ABCA8: variants seen among roughly 807,000 people sequenced by gnomAD.
ABCA8 encodes the protein ABC-type organic anion transporter ABCA8.
ABCA8 carries 177 observed loss-of-function variants against 192.3 expected under a neutral mutation model. The ratio of observed to expected loss-of-function variants is 0.92; its 90% confidence interval spans 0.81 to 1.04. The LOEUF (loss-of-function observed/expected upper bound fraction) is 1.04. Among genes scored for constraint, ABCA8 ranks in the 50% least tolerant of loss-of-function variants. The probability of loss-of-function intolerance (pLI) is 0.00; values close to 1 mark genes in which losing one functional copy is unlikely to be tolerated. For missense variants in ABCA8, 1,915 were observed against 1,904.8 expected, an observed-to-expected ratio of 1.01 and a Z score of -0.10; for synonymous variants, 642 against 690.2, an observed-to-expected ratio of 0.93 and a Z score of 1.09.
chr17:68,944,404 A>G (rs2068338853), intron 2 of ABCA8: 1 of 144,410 alleles, frequency 6.9e-6, no homozygotes, highest in Non-Finnish European at 1.5e-5. Context: ...AAAGACCCCC[A>G]GTAGCTCACA....
chr17:68,913,669 C>T (rs925908859), intron 17 of ABCA8, among the ~76,000 whole-genome samples: 1 of 151,960 alleles, frequency 6.6e-6, no homozygotes, highest in Non-Finnish European at 1.5e-5. Flanking sequence ...GTACAATCTA[C>T]CAAGATTGAA....
At chr17:68,933,053 G>A in intron 6 of ABCA8, 115 bp downstream of exon 6, 1 of 751,944 alleles carries the variant, frequency 1.3e-6, no homozygotes, top group South Asian at 1.7e-5. Flanking sequence ...ACTTCAGAGT[G>A]AGCAAAGGAA....
At chr17:68,891,418 T>C in intron 24 of ABCA8, 71 bp downstream of exon 24, 1 of 1,066,356 alleles carries the variant, frequency 9.4e-7, no homozygotes, top group Non-Finnish European at 1.4e-6. Context: ...AATATTCTTA[T>C]GAAAAATTGT....
At chr17:68,922,403 G>A in intron 11 of ABCA8, 103 bp from the exon 12 acceptor site, 1 of 813,430 alleles carries the variant, frequency 1.2e-6, no homozygotes, top group Non-Finnish European at 1.9e-6. Flanking sequence ...GATACATGAA[G>A]ATCTGGGTCT....
chr17:68,877,676 G>C lies in ABCA8; in HGVS notation c.4042C>G (p.Leu1348Val), dbSNP rs753899805. 2 of 1,608,296 alleles carry C rather than the reference G, an allele frequency of 1.2e-6. No individual in the cohort carries two copies. Among genetic ancestry groups the C allele is most frequent in the South Asian group, 2.2e-5 (2 of 90,162 alleles). Residue 1348 changes from leucine (L) to valine (V), a missense_variant, in exon 33 of 40, where the codon CTA becomes GTA. By Grantham distance (32) the Leu-to-Val change is conservative (BLOSUM62 1). Transcript: ENST00000586539. Reference protein sequence around the residue: ...GDTKPTAGQVLLKGSGGGDAL... With the variant: ...GDTKPTAGQVVLKGSGGGDAL... ...TCCCCTCCACCGCTCCCTTTCAGTAGCACCTGCAGATGAAAGTTCCCTCTC... is the reference window on the plus strand; with the variant it reads ...TCCCCTCCACCGCTCCCTTTCAGTACCACCTGCAGATGAAAGTTCCCTCTC...
chr17:68,892,917 G>A (rs1352469713), intron 23 of ABCA8, among the ~76,000 whole-genome samples: 1 of 152,114 alleles, frequency 6.6e-6, no homozygotes, highest in Non-Finnish European at 1.5e-5. Flanking sequence ...GGCCAACATC[G>A]GAAGATCTCT....
At chr17:68,889,770 G>T (rs2066582418) in intron 24 of ABCA8, among the ~76,000 whole-genome samples, 1 of 152,068 alleles carries the variant, frequency 6.6e-6, no homozygotes, top group Non-Finnish European at 1.5e-5. Flanking sequence ...ACCTTTCTAA[G>T]AATTTTATAT....
chr17:68,946,185 A>T (rs1187913497), intron 2 of ABCA8, among the ~76,000 whole-genome samples: 1 of 151,930 alleles, frequency 6.6e-6, no homozygotes, highest in Non-Finnish European at 1.5e-5. Flanking sequence ...CTCCTGCCTC[A>T]GTCTCCCAAG....
rs184161214 is a variant in ABCA8, at chr17:68,903,472, G to A, written c.2426C>T (p.Ala809Val). ...SDIAILGEVQ[A>V]EKADDTERLV... ...CCTTTCAGTGTCGTCAGCTTTTTCC[G>A]CTTGTACTTCTCCCAAAATAGCAAT... Residue 809 changes from alanine (A) to valine (V), a missense_variant, in exon 20 of 40, where the codon GCG becomes GTG. Physicochemically the swap from Ala to Val is moderately conservative, Grantham distance 64. Transcript: ENST00000586539. 1.0e-3 allele frequency: 1,636 copies of A among 1,613,900 alleles called. 16 individuals are homozygous for A. In the South Asian group the frequency reaches 0.012, roughly 12 times the overall value.
intron 37 of ABCA8, 47 bp from the exon 38 acceptor site, chr17:68,869,826 T>A: frequency 8.2e-7 from 1 of 1,221,824 alleles, no homozygotes; most frequent in South Asian, 1.3e-5. Flanking sequence ...TTGTGCCAGA[T>A]GTGAACTGAT....
At chr17:68,930,495 T>C (rs59874412) in intron 7 of ABCA8, among the ~76,000 whole-genome samples, 6,196 of 152,268 alleles carry the variant, frequency 0.041, 398 homozygotes, top group African/African-American at 0.13. Context: ...AAAACTATAA[T>C]GAAATAATAA....
intron 21 of ABCA8, 132 bp downstream of exon 21, chr17:68,902,579 ATC>A (rs1271057973): frequency 1.2e-5 from 8 of 685,410 alleles, no homozygotes; most frequent in Non-Finnish European, 1.8e-5. Flanking sequence ...TGTATTTATT[ATC>A]TTTAAGTTTC....
At chr17:68,938,868 T>C (rs577508498) in intron 4 of ABCA8, among the ~76,000 whole-genome samples, 6 of 152,328 alleles carry the variant, frequency 3.9e-5, no homozygotes, top group Admixed American at 1.3e-4. Context: ...TGGCTTTCAA[T>C]CAGTTAGGTT....
intron 19 of ABCA8, 83 bp downstream of exon 19, chr17:68,905,961 C>T (rs2067054087): frequency 1.9e-5 from 25 of 1,304,872 alleles, no homozygotes; most frequent in South Asian, 1.9e-4. Context: ...ATCATGAACC[C>T]CACATTTTGT....
chr17:68,904,771 CAAG>C (rs1195210680), intron 19 of ABCA8, among the ~76,000 whole-genome samples: 1 of 152,098 alleles, frequency 6.6e-6, no homozygotes, highest in African/African-American at 2.4e-5. Context: ...GAGAGAAACA[CAAG>C]AAGCTGCATA....
At chr17:68,928,832 G>A (rs1214989021) in intron 9 of ABCA8, among the ~76,000 whole-genome samples, 2 of 152,044 alleles carry the variant, frequency 1.3e-5, no homozygotes, top group East Asian at 1.9e-4. Context: ...TTAAATAATT[G>A]TATGTTGATC....
rs1262775308 is a variant in ABCA8 at position 68,882,723 on chromosome 17, G to T, written c.3708-4C>A. The T allele has an allele frequency of 6.2e-7, 1 of 1,606,358 alleles. No homozygotes were observed. Among genetic ancestry groups the T allele is most frequent in the Non-Finnish European group, 8.5e-7 (1 of 1,177,874 alleles). On this transcript the variant is annotated splice_polypyrimidine_tract_variant and splice_region_variant and intron_variant, in intron 29 of 39. Coordinates refer to ENST00000586539, the MANE Select transcript of ABCA8 (RefSeq NM_001288985.2). ...ATCACTACTTCTTGGAGAAATTCTA[G>T]AGTCAAAACCATCCATTAATATTGA... is the stretch of plus-strand genomic sequence containing the variant.
At chr17:68,929,334 A>T (rs1002957779) in intron 8 of ABCA8, 100 bp from the exon 9 acceptor site, 1 of 1,107,736 alleles carries the variant, frequency 9.0e-7, no homozygotes, top group African/African-American at 1.6e-5. Context: ...TGTATGTAAC[A>T]GTTGTATATT....
intron 1 of ABCA8, among the ~76,000 whole-genome samples, chr17:68,954,041 G>C (rs59830399): frequency 0.46 from 69,118 of 149,824 alleles, 16,406 homozygotes; most frequent in East Asian, 0.68. Context: ...TTTTTTTTTC[G>C]TTTTATTATT....
Sources: gnomAD v4.1 joint callset for allele counts (sites outside exome capture counted in the v4.1 genomes callset) on GRCh38, gnomAD v4.1.1 for gene constraint, MANE v1.5 for transcripts, NCBI Gene and HGNC (gene_info 2026-07-23, HGNC 2026-07-21) for gene names.